Variants in AFF1 observed in about 807,000 individuals in gnomAD.
The protein encoded by AFF1 is ALF transcription elongation factor 1.
A neutral mutation model predicts 121.7 loss-of-function variants in AFF1; 48 were observed. That is an observed-to-expected ratio of 0.39 (90% CI 0.31 to 0.50). The LOEUF is 0.50. Among genes scored for constraint, AFF1 ranks in the 20% least tolerant of loss-of-function variants. The pLI, the probability that AFF1 is intolerant of heterozygous loss-of-function variation, is 0.76. For synonymous variants in AFF1, 613 were observed against 563.0 expected, an observed-to-expected ratio of 1.09 and a Z score of -1.26; for missense variants, 1,523 against 1,511.7, an observed-to-expected ratio of 1.01 and a Z score of -0.12.
intron 2 of AFF1, among the ~76,000 whole-genome samples, chr4:86,955,978 ATCT>A (rs1481635886): frequency 6.6e-6 from 1 of 152,218 alleles, no homozygotes; most frequent in Non-Finnish European, 1.5e-5. Flanking sequence ...ATATGGACAG[ATCT>A]TCTTTGTGCA....
At chr4:87,064,597 G>T (rs1000944559) in intron 4 of AFF1, among the ~76,000 whole-genome samples, 2 of 152,098 alleles carry the variant, frequency 1.3e-5, no homozygotes, top group Non-Finnish European at 1.5e-5. Context: ...AAAAATTAGC[G>T]GCTGGGCACG....
chr4:87,060,053 A>T lies in AFF1; in HGVS notation c.1059+12459A>T, dbSNP rs567508700. Among the ~76,000 whole-genome samples the T allele has an allele frequency of 2.6e-5, 4 of 152,314 alleles. No individual in the cohort carries two copies. In the East Asian group the frequency reaches 7.7e-4, roughly 29 times the overall value. Reference sequence around the variant, plus strand: ...GGTGAAGTACTGGACTGAATTTCCTATTCAGGACACTTGACTGGGAAATGG... The same window carrying T: ...GGTGAAGTACTGGACTGAATTTCCTTTTCAGGACACTTGACTGGGAAATGG... On this transcript the variant is annotated intron_variant, in intron 4 of 20. Transcript: ENST00000395146.
In AFF1 at chr4:86,946,958, T is replaced by C. The variant is rs539440929; in HGVS notation, c.-36-1540T>C. Among the ~76,000 whole-genome samples the C allele has an allele frequency of 2.0e-5, 3 of 152,246 alleles. No individual in the cohort carries two copies. In the South Asian group the frequency reaches 6.2e-4, roughly 32 times the overall value. On this transcript the variant is annotated intron_variant, in intron 1 of 20. Transcript: ENST00000395146. ...TCTTCAGATGCCTCTACAGAAGTGTTATGAAGAATAATGCCAACAGGAATA... is the reference window on the plus strand; with the variant it reads ...TCTTCAGATGCCTCTACAGAAGTGTCATGAAGAATAATGCCAACAGGAATA...
At chr4:87,135,477 T>C (rs1729221319) in intron 20 of AFF1, 103 bp from the exon 21 acceptor site, 1 of 1,210,184 alleles carries the variant, frequency 8.3e-7, no homozygotes, top group East Asian at 2.6e-5. Context: ...TGCAGAATAT[T>C]GTGGGGACCT....
intron 16 of AFF1, among the ~76,000 whole-genome samples, chr4:87,128,664 A>G (rs930263076): frequency 1.3e-5 from 2 of 152,178 alleles, no homozygotes; most frequent in African/African-American, 2.4e-5. Context: ...GTGCTCTTCA[A>G]CCCTAATCTG....
At chr4:87,120,563 CAT>C (rs1395959062) in intron 12 of AFF1, among the ~76,000 whole-genome samples, 1 of 152,224 alleles carries the variant, frequency 6.6e-6, no homozygotes, top group East Asian at 1.9e-4. Flanking sequence ...CTCTTTTTCA[CAT>C]GTGTTTTCTC....
At chr4:86,958,183 T>C (rs1332437342) in intron 2 of AFF1, among the ~76,000 whole-genome samples, 1 of 146,386 alleles carries the variant, frequency 6.8e-6, no homozygotes, top group Non-Finnish European at 1.5e-5. Flanking sequence ...AACTTCCACC[T>C]CTCAGGTTCA....
At chr4:87,084,088 C>T (rs1454525284) in intron 4 of AFF1, 32 bp from the exon 5 acceptor site, 6 of 1,611,688 alleles carry the variant, frequency 3.7e-6, no homozygotes, top group African/African-American at 1.3e-5. Flanking sequence ...CTCTGGTTTG[C>T]TAACCTTTTA....
chr4:87,044,329 T>A (rs951943013), intron 2 of AFF1, among the ~76,000 whole-genome samples: 4 of 152,250 alleles, frequency 2.6e-5, no homozygotes, highest in African/African-American at 9.6e-5. Context: ...GGCTGTTTTT[T>A]AATCTAAAAG....
At chr4:87,092,785 A>G (rs983700876) in intron 7 of AFF1, among the ~76,000 whole-genome samples, 2 of 152,368 alleles carry the variant, frequency 1.3e-5, no homozygotes, top group South Asian at 4.1e-4. Flanking sequence ...CTATATTGCT[A>G]CAGTATTGTA....
chr4:87,024,105 C>CT (rs2149567954), intron 2 of AFF1, among the ~76,000 whole-genome samples: 1 of 152,298 alleles, frequency 6.6e-6, no homozygotes, highest in South Asian at 2.1e-4. Flanking sequence ...CAAGGCAGAG[C>CT]TTATCACTGC....
intron 11 of AFF1, among the ~76,000 whole-genome samples, chr4:87,112,884 A>T (rs568231398): frequency 6.6e-6 from 1 of 152,244 alleles, no homozygotes; most frequent in Non-Finnish European, 1.5e-5. Flanking sequence ...ACAGCGATGT[A>T]TAGTCTTTAA....
intron 4 of AFF1, among the ~76,000 whole-genome samples, chr4:87,064,273 A>C (rs991998900): frequency 6.6e-6 from 1 of 152,226 alleles, no homozygotes; most frequent in Non-Finnish European, 1.5e-5. Context: ...AAGGTGTAAG[A>C]TTAAACATAT....
At chr4:87,126,064 G>GCCT (rs769568879) in intron 13 of AFF1, 35 bp from the exon 14 acceptor site, 2 of 1,594,198 alleles carry the variant, frequency 1.3e-6, no homozygotes, top group Non-Finnish European at 1.7e-6. Context: ...TGTGTACTTT[G>GCCT]CCTCCTCTTA....
intron 2 of AFF1, among the ~76,000 whole-genome samples, chr4:87,041,437 C>T (rs904050050): frequency 6.6e-6 from 1 of 152,126 alleles, no homozygotes; most frequent in Non-Finnish European, 1.5e-5. Flanking sequence ...ACATACAAGC[C>T]TTGGGGCCCA....
intron 4 of AFF1, among the ~76,000 whole-genome samples, chr4:87,052,900 T>C (rs768431089): frequency 4.3e-4 from 65 of 152,002 alleles, no homozygotes; most frequent in Admixed American, 3.3e-3. Flanking sequence ...TGGTAGACTT[T>C]TTATTTGAAA....
In AFF1 at chr4:86,951,615, C is replaced by CTTTTTTTTTTTTTTTTTTTTTTTTTT. The variant is rs748093135; in HGVS notation, c.38+3051_38+3052insTTTTTTTTTTTTTTTTTTTTTTTTTT. 8.0e-5 allele frequency among the ~76,000 whole-genome samples: 10 copies of CTTTTTTTTTTTTTTTTTTTTTTTTTT among 124,944 alleles called. 1 individual carries two copies. The highest frequency in any genetic ancestry group is 1.0e-4 in the African/African-American group (3 of 29,894). 82.0% of individuals were successfully genotyped at this position (124,944 alleles called of 152,430 possible). A position where few individuals can be genotyped will look rare whatever the true frequency, so the allele number is the denominator to read the frequency against. On this transcript the variant is annotated intron_variant, in intron 2 of 20. Coordinates refer to ENST00000395146, the MANE Select transcript of AFF1 (RefSeq NM_001166693.3). ...GAACTTTTTTTTCTTTTTCTTTTTT[C>CTTTTTTTTTTTTTTTTTTTTTTTTTT]TTTTTTTCTTTTTTTTTTTTTTTTT...
chr4:87,056,366 A>G (rs1720139593), intron 4 of AFF1, among the ~76,000 whole-genome samples: 1 of 152,170 alleles, frequency 6.6e-6, no homozygotes, highest in South Asian at 2.1e-4. Flanking sequence ...TGTTATGTAT[A>G]TTTCTTCGAG....
rs2149811229 is a variant in AFF1, at chr4:87,137,697, T to C, written c.*1996T>C. 1 of 232,696 alleles carries C rather than the reference T, an allele frequency of 4.3e-6. No individual in the cohort carries two copies. Among genetic ancestry groups the C allele is most frequent in the Non-Finnish European group, 8.5e-6 (1 of 117,718 alleles). 14.4% of individuals were successfully genotyped at this position (232,696 alleles called of 1,614,324 possible). A position where few individuals can be genotyped will look rare whatever the true frequency, so the allele number is the denominator to read the frequency against. On this transcript the variant is annotated 3_prime_UTR_variant, in exon 21 of 21. Transcript: ENST00000395146. ...GTAATTGCCTGGTAGGTTTGGTGTG[T>C]GTGTAGCATTGTGTGTCCATCTGTT...
Sources: gnomAD v4.1 joint callset for allele counts (sites outside exome capture counted in the v4.1 genomes callset) on GRCh38, gnomAD v4.1.1 for gene constraint, MANE v1.5 for transcripts, NCBI Gene and HGNC (gene_info 2026-07-23, HGNC 2026-07-21) for gene names.